The following PRKDC variants were observed in gnomAD, a reference collection of about 807,000 sequenced individuals.
The protein encoded by PRKDC is protein kinase, DNA-activated, catalytic subunit.
A neutral mutation model predicts 486.9 loss-of-function variants in PRKDC; 82 were observed. That is an observed-to-expected ratio of 0.17 (90% CI 0.14 to 0.20). The LOEUF (loss-of-function observed/expected upper bound fraction) is 0.20. Among genes scored for constraint, PRKDC ranks in the 10% least tolerant of loss-of-function variants. The pLI is 1.00. For missense variants in PRKDC, 4,504 were observed against 5,038.2 expected, an observed-to-expected ratio of 0.89 and a Z score of 3.21; for synonymous variants, 1,895 against 1,837.0, an observed-to-expected ratio of 1.03 and a Z score of -0.81.
At chr8:47,877,025 A>G (rs1224922720) in intron 40 of PRKDC, among the ~76,000 whole-genome samples, 1 of 152,240 alleles carries the variant, frequency 6.6e-6, no homozygotes, top group South Asian at 2.1e-4. Context: ...CAAAATTTCA[A>G]CCTGAATCTA....
chr8:47,782,145 C>T lies in PRKDC; in HGVS notation c.11489+17G>A, dbSNP rs372279563. On this transcript the variant is annotated intron_variant, in intron 80 of 85. Transcript: ENST00000314191. This position sits in a 1 kb window ranked among gnomAD's most constrained non-coding sequence, Gnocchi z 4.9. ...GGAGGCGACTGCTGGGGGAGCAGGGCGTGTGGCCGCCCTTACCTCAGGTAA... is the reference window on the plus strand; with the variant it reads ...GGAGGCGACTGCTGGGGGAGCAGGGTGTGTGGCCGCCCTTACCTCAGGTAA... 1.2e-6 allele frequency: 2 copies of T among 1,605,990 alleles called. No individual in the cohort carries two copies. Among genetic ancestry groups the T allele is most frequent in the Non-Finnish European group, 1.7e-6 (2 of 1,172,698 alleles).
Position 47,821,884 on chromosome 8 carries a change from A to G in PRKDC, c.8923-92T>C, listed in dbSNP as rs528087625. ...AAGGAGGAATGTAACAATCACACTA[A>G]AAACAATCCTTTTCAGATTTACGGA... On this transcript the variant is annotated intron_variant, in intron 64 of 85. Coordinates refer to ENST00000314191, the MANE Select transcript of PRKDC (RefSeq NM_006904.7). The G allele has an allele frequency of 5.8e-5, 65 of 1,117,660 alleles. 1 individual carries two copies. The highest frequency in any genetic ancestry group is 3.0e-4 in the South Asian group (18 of 59,628). 69.2% of individuals were successfully genotyped at this position (1,117,660 alleles called of 1,614,324 possible). A position where few individuals can be genotyped will look rare whatever the true frequency, so the allele number is the denominator to read the frequency against.
intron 25 of PRKDC, among the ~76,000 whole-genome samples, chr8:47,906,414 A>AC (rs1355211800): frequency 6.7e-6 from 1 of 148,318 alleles, no homozygotes; most frequent in Non-Finnish European, 1.5e-5. Flanking sequence ...AGGGCGGATC[A>AC]CTTGAGGTCA....
At chr8:47,844,809 G>A (rs1428907777) in intron 54 of PRKDC, among the ~76,000 whole-genome samples, 4 of 151,988 alleles carry the variant, frequency 2.6e-5, no homozygotes, top group African/African-American at 9.7e-5. Flanking sequence ...ACAAAATTAA[G>A]GCAAGAATCA....
At chr8:47,901,376 A>G (rs2089680639) in intron 27 of PRKDC, among the ~76,000 whole-genome samples, 1 of 151,614 alleles carries the variant, frequency 6.6e-6, no homozygotes, top group Admixed American at 6.6e-5. Context: ...TGGAAGACTG[A>G]GGCAGGCAAA....
At chr8:47,926,914 T>C in intron 21 of PRKDC, 1 of 291,350 alleles carries the variant, frequency 3.4e-6, no homozygotes, top group Non-Finnish European at 6.3e-6. Context: ...TTAGGAGTCA[T>C]AAAAATTTCA....
chr8:47,795,909 T>A (rs1257740222), intron 73 of PRKDC, among the ~76,000 whole-genome samples: 23 of 151,270 alleles, frequency 1.5e-4, no homozygotes, highest in South Asian at 6.3e-4. Flanking sequence ...TTTTTTTTTT[T>A]ATGAGACAAG....
chr8:47,774,077 T>A lies in PRKDC; in HGVS notation c.*96A>T. The A allele has an allele frequency of 1.6e-6, 2 of 1,235,360 alleles. No homozygotes were observed. Among genetic ancestry groups the A allele is most frequent in the Non-Finnish European group, 1.1e-6 (1 of 906,558 alleles). 76.5% of individuals were successfully genotyped at this position (1,235,360 alleles called of 1,614,324 possible). ...TAGCACAAAAGACATTTCTCTTTAG[T>A]GTTTCAGGAAAATCAGCTCATGGAA... On this transcript the variant is annotated 3_prime_UTR_variant, in exon 86 of 86. Transcript: ENST00000314191.
At chr8:47,783,957 TA>T (rs933317807) in intron 77 of PRKDC, 148 bp from the exon 78 acceptor site, 48 of 768,894 alleles carry the variant, frequency 6.2e-5, no homozygotes, top group Non-Finnish European at 8.2e-5. Context: ...GAACTGACTT[TA>T]AAAAAAATGT....
At chr8:47,885,748 T>A (rs954808603) in intron 36 of PRKDC, among the ~76,000 whole-genome samples, 196 bp downstream of exon 36, 1 of 151,632 alleles carries the variant, frequency 6.6e-6, no homozygotes, top group African/African-American at 2.4e-5. Flanking sequence ...AAAAATTAGC[T>A]AGGTGTGGTG....
intron 3 of PRKDC, among the ~76,000 whole-genome samples, chr8:47,956,929 C>A (rs2090712414): frequency 1.7e-5 from 2 of 119,738 alleles, no homozygotes; most frequent in African/African-American, 6.6e-5. Context: ...AAGGCCTTAG[C>A]TTACTAAATC....
At chr8:47,804,296 CTT>C (rs767946033) in intron 69 of PRKDC, among the ~76,000 whole-genome samples, 18 of 135,896 alleles carry the variant, frequency 1.3e-4, no homozygotes, top group Non-Finnish European at 2.2e-4. Context: ...GGACATGCCA[CTT>C]TTTTTTTTTT....
chr8:47,780,273 T>G (rs1334646511), intron 80 of PRKDC, among the ~76,000 whole-genome samples: 1 of 152,188 alleles, frequency 6.6e-6, no homozygotes, highest in African/African-American at 2.4e-5. Context: ...CCATAGTAAG[T>G]ATGAGAAAAT....
At chr8:47,776,808 T>C in intron 85 of PRKDC, 36 bp downstream of exon 85, 2 of 1,611,204 alleles carry the variant, frequency 1.2e-6, no homozygotes, top group Non-Finnish European at 1.7e-6. Context: ...AGCATGTCGG[T>C]AGTCCGTTAG....
chr8:47,780,546 A>C (rs1014839181), intron 80 of PRKDC, among the ~76,000 whole-genome samples: 1 of 152,248 alleles, frequency 6.6e-6, no homozygotes, highest in Non-Finnish European at 1.5e-5. Flanking sequence ...ACTTCAGGTG[A>C]AATCTTTTCT....
At chr8:47,819,531 A>AG in intron 66 of PRKDC, 21 bp from the exon 67 acceptor site, 2 of 1,331,698 alleles carry the variant, frequency 1.5e-6, no homozygotes, top group Non-Finnish European at 2.0e-6. Context: ...AAAAAAAAAA[A>AG]AAAGGGCATT....
Position 47,785,207 on chromosome 8 carries a change from G to A in PRKDC, c.11013C>T (p.Asn3671=). ...DITNMLLLKM[N]KDSKPPGNLK... is the part of the protein sequence containing the mutation. ...GATTCCCAGGGGGCTTTGAGTCTTT[G>A]TTCATTTTTAAAAGTAGCATGTTGG... The change falls in exon 77 of 86, where the codon AAC becomes AAT. Residue 3671 remains asparagine (N), a synonymous_variant. Coordinates refer to ENST00000314191, the MANE Select transcript of PRKDC (RefSeq NM_006904.7). The A allele has an allele frequency of 6.2e-7, 1 of 1,613,884 alleles. No homozygotes were observed. Among genetic ancestry groups the A allele is most frequent in the Non-Finnish European group, 8.5e-7 (1 of 1,179,846 alleles).
Position 47,933,821 on chromosome 8 carries a change from G to A in PRKDC, c.1623+144C>T, listed in dbSNP as rs58356866. 118 of 861,596 alleles carry A rather than the reference G, an allele frequency of 1.4e-4. 3 individuals are homozygous for A. The East Asian group carries it at 3.6e-3, about 26-fold the overall frequency. 53.4% of individuals were successfully genotyped at this position (861,596 alleles called of 1,614,324 possible). On this transcript the variant is annotated intron_variant, in intron 15 of 85. Transcript: ENST00000314191. The stretch of plus-strand genomic sequence containing the variant: ...TCATTCTAACTTCCTGATTCATACG[G>A]TTTTAATTTTTTATTTTTGAAGTAC...
In PRKDC at chr8:47,957,437, C is replaced by G. The variant is rs755362263; in HGVS notation, c.155-6G>C. On this transcript the variant is annotated splice_region_variant and splice_polypyrimidine_tract_variant and intron_variant, in intron 1 of 85. Transcript: ENST00000314191. ...AACTAAAGATGTCTGTAATGCTGTT[C>G]AAAAAAATAAGTAAACAAGTTAAGA... is the stretch of plus-strand genomic sequence containing the variant. The G allele has an allele frequency of 1.3e-6, 2 of 1,568,674 alleles. No individual in the cohort carries two copies. The highest frequency in any genetic ancestry group is 1.7e-6 in the Non-Finnish European group (2 of 1,155,764).
Sources: gnomAD v4.1 joint callset for allele counts (sites outside exome capture counted in the v4.1 genomes callset) on GRCh38, gnomAD v4.1.1 for gene constraint, Gnocchi (gnomAD v3.1) non-coding constraint, MANE v1.5 for transcripts, NCBI Gene and HGNC (gene_info 2026-07-23, HGNC 2026-07-21) for gene names.